UNC5D: variants seen among roughly 807,000 people sequenced by gnomAD.
UNC5D encodes netrin receptor UNC5D.
In UNC5D, 39 loss-of-function variants were observed where a neutral mutation model predicts 105.4. That is an observed-to-expected ratio of 0.37 (90% confidence interval 0.29 to 0.48). The LOEUF (loss-of-function observed/expected upper bound fraction) is 0.48. UNC5D is among the 20% of genes least tolerant of loss of function. The pLI, the probability that UNC5D is intolerant of heterozygous loss-of-function variation, is 0.98. For synonymous variants in UNC5D, 452 were observed against 450.4 expected (o/e 1.00, Z -0.04); for missense variants, 991 against 1,202.4 (o/e 0.82, Z 2.60).
chr8:35,773,629 G>A (rs1586623717), intron 15 of UNC5D, among the ~76,000 whole-genome samples: 3 of 152,192 alleles, frequency 2.0e-5, no homozygotes, highest in African/African-American at 7.2e-5. Context: ...CTGTCATTTG[G>A]TAGCTTCTTC....
intron 4 of UNC5D, among the ~76,000 whole-genome samples, chr8:35,678,090 A>G (rs996545986): frequency 6.6e-6 from 1 of 152,136 alleles, no homozygotes; most frequent in African/African-American, 2.4e-5. Context: ...GTATATGTCT[A>G]TAGTGCCTAT....
chr8:35,598,083 A>G (rs562701401), intron 4 of UNC5D, among the ~76,000 whole-genome samples: 1 of 152,136 alleles, frequency 6.6e-6, no homozygotes, highest in Admixed American at 6.5e-5. Flanking sequence ...GCTTTGTCCC[A>G]TCTTTCTTAA....
intron 1 of UNC5D, among the ~76,000 whole-genome samples, chr8:35,276,482 G>A (rs1805785742): frequency 6.6e-6 from 1 of 152,192 alleles, no homozygotes; most frequent in Non-Finnish European, 1.5e-5. Flanking sequence ...GTGTACTTCA[G>A]GCACTTTCAA....
intron 13 of UNC5D, among the ~76,000 whole-genome samples, chr8:35,758,448 T>A (rs1830612897): frequency 6.6e-6 from 1 of 152,144 alleles, no homozygotes; most frequent in Non-Finnish European, 1.5e-5. Flanking sequence ...TAATTAATGG[T>A]GATTTCAAAA....
At chr8:35,309,761 T>TC (rs1808732064) in intron 1 of UNC5D, among the ~76,000 whole-genome samples, 1 of 152,192 alleles carries the variant, frequency 6.6e-6, no homozygotes, top group African/African-American at 2.4e-5. Context: ...ATAGGGAACT[T>TC]ATTTAAAATG....
chr8:35,600,319 G>A (rs1158649039), intron 4 of UNC5D, among the ~76,000 whole-genome samples: 1 of 152,170 alleles, frequency 6.6e-6, no homozygotes, highest in Non-Finnish European at 1.5e-5. Context: ...TATATACCCA[G>A]TAATGGGATG....
intron 1 of UNC5D, among the ~76,000 whole-genome samples, chr8:35,395,631 A>G (rs1363764369): frequency 6.6e-6 from 1 of 152,204 alleles, no homozygotes; most frequent in Admixed American, 6.5e-5. Context: ...CCACCACTCT[A>G]AACTGCTCAG....
intron 1 of UNC5D, among the ~76,000 whole-genome samples, chr8:35,304,745 AT>A (rs1476446905): frequency 6.6e-6 from 1 of 152,140 alleles, no homozygotes; most frequent in Non-Finnish European, 1.5e-5. Context: ...GGATAAAATA[AT>A]TGTTCTCTCT....
At chr8:35,416,778 A>C (rs1351811815) in intron 1 of UNC5D, among the ~76,000 whole-genome samples, 1 of 152,206 alleles carries the variant, frequency 6.6e-6, no homozygotes, top group African/African-American at 2.4e-5. Context: ...TCAGTTGCAG[A>C]CAAACTTAAT....
At chr8:35,413,513 G>T (rs1457282069) in intron 1 of UNC5D, among the ~76,000 whole-genome samples, 1 of 150,966 alleles carries the variant, frequency 6.6e-6, no homozygotes, top group African/African-American at 2.4e-5. Flanking sequence ...GCAGCTGTTG[G>T]TGTGCTGCTG....
chr8:35,574,738 C>G (rs767823949), intron 3 of UNC5D, among the ~76,000 whole-genome samples: 4 of 152,200 alleles, frequency 2.6e-5, no homozygotes, highest in Non-Finnish European at 5.9e-5. Flanking sequence ...CTTACAGATG[C>G]AGCCTTCCTG....
chr8:35,670,957 G>A (rs977751157), intron 4 of UNC5D, among the ~76,000 whole-genome samples: 1 of 148,460 alleles, frequency 6.7e-6, no homozygotes, highest in Non-Finnish European at 1.5e-5. Flanking sequence ...CATAGTTAAC[G>A]ATGTCTAACT....
At chr8:35,740,872 G>A (rs1829723775) in intron 11 of UNC5D, among the ~76,000 whole-genome samples, 1 of 152,040 alleles carries the variant, frequency 6.6e-6, no homozygotes, top group Non-Finnish European at 1.5e-5. Context: ...CCCCTCCCCA[G>A]CCTAAAATAA....
chr8:35,756,372 ATATC>A (rs1830518112), intron 13 of UNC5D, among the ~76,000 whole-genome samples: 1 of 152,078 alleles, frequency 6.6e-6, no homozygotes, highest in African/African-American at 2.4e-5. Context: ...TTATAAGCAG[ATATC>A]TATTTTTTAA....
chr8:35,564,922 T>A (rs551128303), intron 2 of UNC5D, among the ~76,000 whole-genome samples: 35 of 152,350 alleles, frequency 2.3e-4, no homozygotes, highest in African/African-American at 8.2e-4. Flanking sequence ...GCAAAATACA[T>A]GATTTCATTG....
chr8:35,482,911 T>G (rs1176339084), intron 1 of UNC5D, among the ~76,000 whole-genome samples: 2 of 147,352 alleles, frequency 1.4e-5, no homozygotes, highest in South Asian at 4.6e-4. Flanking sequence ...CAAGCGATTC[T>G]CCTGCCGTGG....
At chr8:35,513,952 T>C (rs901941409) in intron 1 of UNC5D, among the ~76,000 whole-genome samples, 27 of 152,256 alleles carry the variant, frequency 1.8e-4, no homozygotes, top group African/African-American at 6.5e-4. Context: ...ACTTCACCAA[T>C]AGATTTTCTA....
At chr8:35,694,363 G>A (rs558921333) in intron 7 of UNC5D, among the ~76,000 whole-genome samples, 1 of 152,224 alleles carries the variant, frequency 6.6e-6, no homozygotes, top group African/African-American at 2.4e-5. Context: ...TCTTTTTGAG[G>A]TACTCAAAAT....
chr8:35,611,491 T>C (rs1449902077), intron 4 of UNC5D, among the ~76,000 whole-genome samples: 1 of 152,218 alleles, frequency 6.6e-6, no homozygotes, highest in Admixed American at 6.5e-5. Context: ...AAATGTTACC[T>C]GAACTGGAAG....
Sources: allele counts gnomAD v4.1 joint callset (sites outside exome capture counted in the v4.1 genomes callset), GRCh38; gene constraint gnomAD v4.1.1; transcripts MANE v1.5; gene names NCBI Gene and HGNC (gene_info 2026-07-23, HGNC 2026-07-21).